Variants in SLC35D4 observed in about 807,000 individuals in gnomAD.
SLC35D4 encodes solute carrier family 35 member D4, also known as UDP-N-acetylglucosamine transporter SLC35D4.
At chr18:23,404,468 A>G in the SLC35D4 span, among the ~76,000 whole-genome samples, 9 of 151,322 alleles carry the variant, frequency 5.9e-5, no homozygotes, top group African/African-American at 1.9e-4. Context: ...AGGTCAGGAG[A>G]TCGAGACCAT....
the SLC35D4 span, among the ~76,000 whole-genome samples, chr18:23,425,001 T>C: frequency 1.3e-5 from 2 of 152,206 alleles, no homozygotes; most frequent in Non-Finnish European, 2.9e-5. Context: ...CTACTACATA[T>C]TTAAATGGTT....
the SLC35D4 span, chr18:23,253,920 T>G: frequency 6.2e-7 from 1 of 1,614,082 alleles, no homozygotes; most frequent in Non-Finnish European, 8.5e-7. Context: ...AAACACGAAG[T>G]CAAGCATTTA....
At chr18:23,307,960 A>G in the SLC35D4 span, among the ~76,000 whole-genome samples, 1 of 151,450 alleles carries the variant, frequency 6.6e-6, no homozygotes, top group East Asian at 1.9e-4. Flanking sequence ...CCTGCTGAAC[A>G]CCACCCCACA....
chr18:23,362,508 A>T, the SLC35D4 span, among the ~76,000 whole-genome samples: 2 of 152,156 alleles, frequency 1.3e-5, no homozygotes, highest in Non-Finnish European at 2.9e-5. Flanking sequence ...CTGAGGCAGG[A>T]GAATCACTTG....
At chr18:23,319,123 T>A in the SLC35D4 span, among the ~76,000 whole-genome samples, 2 of 151,980 alleles carry the variant, frequency 1.3e-5, no homozygotes, top group African/African-American at 4.8e-5. Context: ...GGATTACAGA[T>A]GTGAGGCACC....
the SLC35D4 span, among the ~76,000 whole-genome samples, chr18:23,240,622 A>C: frequency 1.3e-5 from 2 of 152,230 alleles, no homozygotes; most frequent in Non-Finnish European, 2.9e-5. Context: ...GGGAAGGAGC[A>C]GGCTTGTTGG....
the SLC35D4 span, chr18:23,385,126 G>A: frequency 6.6e-7 from 1 of 1,515,804 alleles, no homozygotes; most frequent in South Asian, 1.2e-5. Flanking sequence ...TAATCATATG[G>A]TTCTTGATTT....
the SLC35D4 span, among the ~76,000 whole-genome samples, chr18:23,264,797 G>A: frequency 2.0e-5 from 3 of 151,976 alleles, no homozygotes; most frequent in East Asian, 5.8e-4. Flanking sequence ...GGTGCATCAC[G>A]CCACGCCCAG....
the SLC35D4 span, among the ~76,000 whole-genome samples, chr18:23,266,020 TC>T: frequency 6.6e-6 from 1 of 152,044 alleles, no homozygotes; most frequent in Non-Finnish European, 1.5e-5. Context: ...TTGCTTACTT[TC>T]CCCCCTTCTT....
At chr18:23,243,957 C>G in the SLC35D4 span, among the ~76,000 whole-genome samples, 1 of 149,974 alleles carries the variant, frequency 6.7e-6, no homozygotes, top group Non-Finnish European at 1.5e-5. Context: ...ATGTATTTGT[C>G]TCAGATTTTT....
the SLC35D4 span, among the ~76,000 whole-genome samples, chr18:23,396,992 C>T: frequency 6.6e-6 from 1 of 152,154 alleles, no homozygotes; most frequent in Non-Finnish European, 1.5e-5. Flanking sequence ...TTGTTGAAGG[C>T]TGCAGAACTC....
chr18:23,240,454 T>C, the SLC35D4 span, among the ~76,000 whole-genome samples: 3 of 152,216 alleles, frequency 2.0e-5, no homozygotes, highest in Non-Finnish European at 4.4e-5. Context: ...GAGCTGCCGC[T>C]GAAACAGGCC....
the SLC35D4 span, among the ~76,000 whole-genome samples, chr18:23,268,917 C>T: frequency 2.0e-5 from 3 of 152,128 alleles, no homozygotes; most frequent in African/African-American, 7.2e-5. Context: ...TAAATCTTAG[C>T]TAAACTATTG....
the SLC35D4 span, among the ~76,000 whole-genome samples, chr18:23,394,592 G>C: frequency 6.6e-6 from 1 of 151,976 alleles, no homozygotes; most frequent in Non-Finnish European, 1.5e-5. Context: ...TTCTTCTGCT[G>C]CCTGTGCCTT....
the SLC35D4 span, among the ~76,000 whole-genome samples, chr18:23,332,704 G>A: frequency 1.3e-5 from 2 of 150,346 alleles, 1 homozygote; most frequent in South Asian, 4.2e-4. Context: ...CTTCCAAAAT[G>A]TTAGATAAAA....
chr18:23,256,663 G>C, the SLC35D4 span, among the ~76,000 whole-genome samples: 1 of 151,970 alleles, frequency 6.6e-6, no homozygotes, highest in Admixed American at 6.5e-5. Context: ...GTTATTTTTA[G>C]TAGAGACGAC....
the SLC35D4 span, among the ~76,000 whole-genome samples, chr18:23,403,295 A>T: frequency 1.3e-5 from 2 of 152,346 alleles, no homozygotes; most frequent in South Asian, 4.1e-4. Context: ...AAATGAAAAC[A>T]CTACATTGAT....
the SLC35D4 span, among the ~76,000 whole-genome samples, chr18:23,310,049 A>C: frequency 6.6e-6 from 1 of 152,344 alleles, no homozygotes; most frequent in Non-Finnish European, 1.5e-5. Flanking sequence ...GGCCGCCCTC[A>C]TCTCTCTCCA....
the SLC35D4 span, among the ~76,000 whole-genome samples, chr18:23,345,908 T>C: frequency 6.6e-6 from 1 of 152,202 alleles, no homozygotes; most frequent in Non-Finnish European, 1.5e-5. Context: ...TTTTTCCTTT[T>C]TGATGCTATT....
Sources: gnomAD v4.1 joint callset for allele counts (sites outside exome capture counted in the v4.1 genomes callset) on GRCh38, gnomAD v4.1.1 for gene constraint, MANE v1.5 for transcripts, NCBI Gene and HGNC (gene_info 2026-07-23, HGNC 2026-07-21) for gene names.